Variants in AGAP1 observed in about 807,000 individuals in gnomAD.
AGAP1 encodes ArfGAP with GTPase domain, ankyrin repeat and PH domain 1.
In AGAP1, 29 loss-of-function variants were observed where a neutral mutation model predicts 105.3. The observed-to-expected ratio is 0.28, with a 90% CI of 0.21 to 0.38. The LOEUF (loss-of-function observed/expected upper bound fraction) is 0.38. AGAP1 is among the 10% of genes least tolerant of loss of function. AGAP1 has a pLI of 1.00. For missense variants in AGAP1, 998 were observed against 1,165.1 expected, an observed-to-expected ratio of 0.86 and a Z score of 2.09; for synonymous variants, 509 against 485.9, an observed-to-expected ratio of 1.05 and a Z score of -0.63.
chr2:236,064,921 T>C (rs1222607721), intron 16 of AGAP1, among the ~76,000 whole-genome samples: 1 of 152,244 alleles, frequency 6.6e-6, no homozygotes, highest in Non-Finnish European at 1.5e-5. Context: ...CCATAGTAGA[T>C]ACTCAATAAA....
rs1950229252 is a variant in AGAP1 at position 235,701,030 on chromosome 2, CTATAATATAGTT to C, written c.164-8148_164-8137del. Among the ~76,000 whole-genome samples the C allele has an allele frequency of 8.1e-6, 1 of 124,000 alleles. No individual in the cohort carries two copies. Among genetic ancestry groups the C allele is most frequent in the Non-Finnish European group, 1.5e-5 (1 of 65,564 alleles). The allele number at this position is 124,000 out of a possible 152,430, so 81.3% of individuals were successfully genotyped here. A position where few individuals can be genotyped will look rare whatever the true frequency, so the allele number is the denominator to read the frequency against. ...TAGTTATATGTATATATTATATATG[CTATAATATAGTT>C]ATATGTATATATTATATATGCTATA... On this transcript the variant is annotated intron_variant, in intron 1 of 17. Transcript: ENST00000304032. This position sits in a 1 kb window ranked among gnomAD's most constrained non-coding sequence, Gnocchi z 4.1.
At chr2:236,049,405 A>G in intron 16 of AGAP1, 124 bp downstream of exon 16, 1 of 838,202 alleles carries the variant, frequency 1.2e-6, no homozygotes, top group South Asian at 1.7e-5. Context: ...GGGAATTCCG[A>G]TTCATCCGGC....
rs1575079694 is a variant in AGAP1 at position 235,670,255 on chromosome 2, C to T, written c.164-38924C>T. 3 of 520,606 alleles carry T rather than the reference C, an allele frequency of 5.8e-6. No homozygotes were observed. The East Asian group carries it at 1.1e-4, about 20-fold the overall frequency. The allele number at this position is 520,606 out of a possible 1,614,324, so 32.2% of individuals were successfully genotyped here. On this transcript the variant is annotated intron_variant, in intron 1 of 17. Transcript: ENST00000304032. ...CGGGCTCCGGCGGCCCGGACCCACG[C>T]CCGGTTCGGCGGCCCCGGCCCGCGC... is the stretch of plus-strand genomic sequence containing the variant.
intron 3 of AGAP1, among the ~76,000 whole-genome samples, chr2:235,727,001 G>T (rs1575240404): frequency 6.6e-6 from 1 of 152,156 alleles, no homozygotes; most frequent in Non-Finnish European, 1.5e-5. Context: ...AGCCCTTCAT[G>T]GTGGTTTCGG....
chr2:236,072,463 G>A lies in AGAP1; in HGVS notation c.2114+23182G>A, dbSNP rs543429875. On this transcript the variant is annotated intron_variant, in intron 16 of 17. Transcript: ENST00000304032. ...TGTCTCAAAAAAAAAAAAAGAGATA[G>A]GGTCTCACCCTCTTGCCCAGAGTGG... 422 of 151,670 alleles carry A rather than the reference G, an allele frequency of 2.8e-3. 4 individuals carry two copies. The highest frequency in any genetic ancestry group is 4.8e-3 in the Non-Finnish European group (328 of 68,094). The allele number at this position is 151,670 out of a possible 1,614,324, so 9.4% of individuals were successfully genotyped here. A position where few individuals can be genotyped will look rare whatever the true frequency, so the allele number is the denominator to read the frequency against.
rs1961376960 is a variant in AGAP1 at position 235,845,587 on chromosome 2, G to A, written c.1051-37758G>A. On this transcript the variant is annotated intron_variant, in intron 9 of 17. Coordinates refer to ENST00000304032, the MANE Select transcript of AGAP1 (RefSeq NM_001037131.3). The surrounding 1 kb of genome is among the most constrained non-coding windows in gnomAD (Gnocchi z 4.8). ...CCTTCCAGTTATTCCTTTCCTTCCAGTTATTCCTTTCCTGACCCCCCCCCC... is the reference window on the plus strand; with the variant it reads ...CCTTCCAGTTATTCCTTTCCTTCCAATTATTCCTTTCCTGACCCCCCCCCC... Among the ~76,000 whole-genome samples the A allele has an allele frequency of 9.5e-6, 1 of 104,788 alleles. No individual in the cohort carries two copies. The highest frequency in any genetic ancestry group is 4.6e-4 in the South Asian group (1 of 2,186). The allele number at this position is 104,788 out of a possible 152,430, so 68.7% of individuals were successfully genotyped here.
In AGAP1 at chr2:235,927,787, A is replaced by T. The variant is rs868471323; in HGVS notation, c.1325-2978A>T. The stretch of plus-strand genomic sequence containing the variant: ...GGAGAACCACTCTCCAGGGAGAAGG[A>T]GCAAGAGAAGCGGTGCTCTATTGAG... On this transcript the variant is annotated intron_variant, in intron 11 of 17. Transcript: ENST00000304032. This position sits in a 1 kb window ranked among gnomAD's most constrained non-coding sequence, Gnocchi z 4.4. Among the ~76,000 whole-genome samples the T allele has an allele frequency of 6.6e-6, 1 of 152,234 alleles. No homozygotes were observed. Among genetic ancestry groups the T allele is most frequent in the South Asian group, 2.1e-4 (1 of 4,822 alleles).
chr2:235,525,183 G>A (rs1942780512), intron 1 of AGAP1, among the ~76,000 whole-genome samples: 1 of 152,214 alleles, frequency 6.6e-6, no homozygotes, highest in Non-Finnish European at 1.5e-5. Context: ...TGAAACTGGA[G>A]ATATTGATAT....
intron 13 of AGAP1, among the ~76,000 whole-genome samples, chr2:236,004,920 G>A (rs895819650): frequency 6.6e-6 from 1 of 152,198 alleles, no homozygotes; most frequent in Non-Finnish European, 1.5e-5. Flanking sequence ...TAACTTGGCA[G>A]TGTTACTCTT....
At chr2:235,500,972 C>G (rs1046860914) in intron 1 of AGAP1, among the ~76,000 whole-genome samples, 1 of 152,168 alleles carries the variant, frequency 6.6e-6, no homozygotes, top group Non-Finnish European at 1.5e-5. Context: ...CAACCACCAC[C>G]CAGCAACCTT....
intron 1 of AGAP1, chr2:235,670,166 C>G (rs921502786): frequency 1.7e-6 from 1 of 583,654 alleles, no homozygotes; most frequent in African/African-American, 2.0e-5. Flanking sequence ...GCGCGGGACG[C>G]CCCCCAGAAA....
intron 11 of AGAP1, among the ~76,000 whole-genome samples, chr2:235,928,751 G>A (rs12162297): frequency 0.31 from 46,765 of 151,554 alleles, 8,293 homozygotes; most frequent in East Asian, 0.43. Flanking sequence ...TCTGGCTAAG[G>A]CACACAATAC....
At chr2:236,070,242 T>C (rs1219064594) in intron 16 of AGAP1, among the ~76,000 whole-genome samples, 1 of 152,240 alleles carries the variant, frequency 6.6e-6, no homozygotes, top group African/African-American at 2.4e-5. Context: ...GGTTTGGATT[T>C]GGCATCAGGG....
rs111807288 is a variant in AGAP1, at chr2:236,098,709, C to T, written c.2115-21483C>T. Among the ~76,000 whole-genome samples, 860 of 149,212 alleles carry T rather than the reference C, an allele frequency of 5.8e-3. 8 individuals carry two copies. The highest frequency in any genetic ancestry group is 0.021 in the African/African-American group (810 of 39,466). On this transcript the variant is annotated intron_variant, in intron 16 of 17. Coordinates refer to ENST00000304032, the MANE Select transcript of AGAP1 (RefSeq NM_001037131.3). ...CCACAAACATAGGTCACTGCCGCTT[C>T]CCGCTGCTGGGCTCAAGCGATCCCC...
chr2:235,764,015 G>A (rs910611240), intron 6 of AGAP1, among the ~76,000 whole-genome samples: 6 of 152,066 alleles, frequency 3.9e-5, no homozygotes, highest in Non-Finnish European at 5.9e-5. Flanking sequence ...GCGTGGCTGT[G>A]ACCCGTGCGT....
At chr2:235,790,723 G>C (rs1370611577) in intron 6 of AGAP1, among the ~76,000 whole-genome samples, 1 of 152,130 alleles carries the variant, frequency 6.6e-6, no homozygotes, top group Non-Finnish European at 1.5e-5. Flanking sequence ...CCCCACTGTT[G>C]ACTCATCCAT....
At position 235,586,463 on chromosome 2, in the gene AGAP1, T is replaced by C. The variant is rs539535940; in HGVS notation, c.163+91614T>C. The stretch of plus-strand genomic sequence containing the variant: ...GAAGGCAAGGTGGAGGCAGCTGTTA[T>C]GTGGTGTGTTGGATTCACAGCAGTC... On this transcript the variant is annotated intron_variant, in intron 1 of 17. Transcript: ENST00000304032. The surrounding 1 kb of genome is among the most constrained non-coding windows in gnomAD (Gnocchi z 4.2). Among the ~76,000 whole-genome samples, 5 of 152,340 alleles carry C rather than the reference T, an allele frequency of 3.3e-5. No homozygotes were observed. Among genetic ancestry groups the C allele is most frequent in the South Asian group, 4.1e-4 (2 of 4,824 alleles).
chr2:235,685,906 A>C (rs979272382), intron 1 of AGAP1, among the ~76,000 whole-genome samples: 12 of 152,162 alleles, frequency 7.9e-5, no homozygotes, highest in African/African-American at 2.9e-4. Context: ...TACATGTAAA[A>C]TAAACATTGG....
At position 235,976,356 on chromosome 2, in the gene AGAP1, A is replaced by G. The variant is rs909669546; in HGVS notation, c.1645+7733A>G. On this transcript the variant is annotated intron_variant, in intron 13 of 17. Transcript: ENST00000304032. This position sits in a 1 kb window ranked among gnomAD's most constrained non-coding sequence, Gnocchi z 4.5. ...ACAGTTGACTCAAAAGCCATCCTGCAGGGTACAGTCCGGCCGCCACAAACA... is the reference window on the plus strand; with the variant it reads ...ACAGTTGACTCAAAAGCCATCCTGCGGGGTACAGTCCGGCCGCCACAAACA... Among the ~76,000 whole-genome samples, 2 of 152,152 alleles carry G rather than the reference A, an allele frequency of 1.3e-5. No homozygotes were observed. The highest frequency in any genetic ancestry group is 4.8e-5 in the African/African-American group (2 of 41,448).
Sources: gnomAD v4.1 joint callset for allele counts (sites outside exome capture counted in the v4.1 genomes callset) on GRCh38, gnomAD v4.1.1 for gene constraint, Gnocchi (gnomAD v3.1) non-coding constraint, MANE v1.5 for transcripts, NCBI Gene and HGNC (gene_info 2026-07-23, HGNC 2026-07-21) for gene names.